Variants in LLGL2 observed in about 807,000 individuals in gnomAD.
LLGL2 encodes LLGL scribble cell polarity complex component 2, also known as LLGL2, scribble cell polarity complex component.
A neutral mutation model predicts 123.2 loss-of-function variants in LLGL2; 81 were observed. That is an observed-to-expected ratio of 0.66 (90% CI 0.55 to 0.79). LLGL2 has a LOEUF of 0.79. LLGL2 is among the 30% of genes least tolerant of loss of function. LLGL2 has a pLI of 0.00. For synonymous variants in LLGL2, 577 were observed against 594.1 expected (o/e 0.97, Z 0.42); for missense variants, 1,273 against 1,414.6 (o/e 0.90, Z 1.61).
chr17:75,573,695 C>A, intron 21 of LLGL2, 64 bp downstream of exon 21: 1 of 1,403,990 alleles, frequency 7.1e-7, no homozygotes. Context: ...TCTGAGATAC[C>A]GAGGCTCCCA....
chr17:75,564,566 C>G lies in LLGL2; in HGVS notation c.1036+59C>G. On this transcript the variant is annotated intron_variant, in intron 10 of 25. Coordinates refer to ENST00000392550, the MANE Select transcript of LLGL2 (RefSeq NM_001031803.2). This position sits in a 1 kb window ranked among gnomAD's most constrained non-coding sequence, Gnocchi z 4.9. ...AGGTGTGGGAGGCATGGGGCAGGAC[C>G]ATCAGTAAAGACAGGGCCAGGTGCA... is the stretch of plus-strand genomic sequence containing the variant. 1.2e-6 allele frequency: 2 copies of G among 1,601,680 alleles called. No individual in the cohort carries two copies. The highest frequency in any genetic ancestry group is 1.7e-6 in the Non-Finnish European group (2 of 1,171,664).
At chr17:75,556,185 G>A in intron 3 of LLGL2, 42 bp downstream of exon 3, 8 of 1,500,748 alleles carry the variant, frequency 5.3e-6, no homozygotes, top group Non-Finnish European at 7.4e-6. Flanking sequence ...AGGGCCTTGG[G>A]GTGGGTGAGA....
intron 10 of LLGL2, 191 bp from the exon 11 acceptor site, chr17:75,568,285 C>T (rs2147514384): frequency 7.0e-7 from 1 of 1,432,512 alleles, no homozygotes; most frequent in South Asian, 1.5e-5. Context: ...TCTCAGCAGC[C>T]TTGCATGCAG....
At chr17:75,557,971 C>T in intron 3 of LLGL2, 184 bp from the exon 4 acceptor site, 2 of 712,666 alleles carry the variant, frequency 2.8e-6, no homozygotes, top group Non-Finnish European at 2.6e-6. Context: ...TGGCCTGGTG[C>T]CCCAGGGCCA....
rs1003720327 is a variant in LLGL2, at chr17:75,539,677, A to G, written c.-30-3720A>G. On this transcript the variant is annotated intron_variant, in intron 1 of 25. Coordinates refer to ENST00000392550, the MANE Select transcript of LLGL2 (RefSeq NM_001031803.2). ...GACTGGAGTGCAGTGGTGCGATCTC[A>G]GCTCACTGTAACCTCCACCTCCCAG... Among the ~76,000 whole-genome samples the G allele has an allele frequency of 2.7e-5, 4 of 148,450 alleles. No individual in the cohort carries two copies. The Admixed American group carries it at 2.7e-4, about 10-fold the overall frequency.
Position 75,573,161 on chromosome 17 carries a change from C to G in LLGL2, c.2608C>G (p.Leu870Val), listed in dbSNP as rs1383039383. 6.2e-7 allele frequency: 1 copy of G among 1,613,130 alleles called. No homozygotes were observed. Among genetic ancestry groups the G allele is most frequent in the Admixed American group, 1.7e-5 (1 of 60,022 alleles). ...GEHHLAVLTNLGDIQVVSLPL... is the reference protein window; with the variant it reads ...GEHHLAVLTNVGDIQVVSLPL... ...GCACCACCTGGCAGTCCTTACCAAC[C>G]TGGGCGACATCCAGGTGGTCTCGCT... The change falls in exon 20 of 26, where the codon CTG becomes GTG. Residue 870 changes from leucine (L) to valine (V), a missense_variant. Physicochemically the swap from Leu to Val is conservative, Grantham distance 32 (BLOSUM62 1). Coordinates refer to ENST00000392550, the MANE Select transcript of LLGL2 (RefSeq NM_001031803.2).
At chr17:75,574,541 A>C in intron 24 of LLGL2, 46 bp downstream of exon 24, 1 of 1,586,978 alleles carries the variant, frequency 6.3e-7, no homozygotes, top group Non-Finnish European at 8.6e-7. Flanking sequence ...AGGCTCTGCC[A>C]GAGGGCTCAG....
chr17:75,531,714 T>C (rs1455376500), intron 1 of LLGL2, among the ~76,000 whole-genome samples: 2 of 152,146 alleles, frequency 1.3e-5, no homozygotes, highest in African/African-American at 2.4e-5. Flanking sequence ...CCTGGCTCCC[T>C]AGGAATTCCA....
chr17:75,541,740 T>C (rs1172128766), intron 1 of LLGL2, among the ~76,000 whole-genome samples: 1 of 144,000 alleles, frequency 6.9e-6, no homozygotes, highest in Non-Finnish European at 1.5e-5. Context: ...TTTTTTTTTT[T>C]TTTTTTGAGA....
At chr17:75,532,848 C>T (rs2053852209) in intron 1 of LLGL2, among the ~76,000 whole-genome samples, 1 of 152,246 alleles carries the variant, frequency 6.6e-6, no homozygotes, top group Non-Finnish European at 1.5e-5. Flanking sequence ...GTCCACAGGG[C>T]CCTGGCCTTG....
intron 19 of LLGL2, 78 bp from the exon 20 acceptor site, chr17:75,572,936 G>C (rs2055792037): frequency 6.6e-7 from 1 of 1,506,108 alleles, no homozygotes; most frequent in African/African-American, 1.4e-5. Context: ...ATGTGGGGAG[G>C]GGAGGGCCCA....
intron 2 of LLGL2, among the ~76,000 whole-genome samples, chr17:75,554,501 T>A (rs1242957653): frequency 6.6e-6 from 1 of 151,818 alleles, no homozygotes; most frequent in Non-Finnish European, 1.5e-5. Context: ...ATGCCTGTAG[T>A]CCCAGCTACT....
chr17:75,570,816 C>T lies in LLGL2; in HGVS notation c.2026-134C>T, dbSNP rs994663356. 3.3e-6 allele frequency: 4 copies of T among 1,216,054 alleles called. No homozygotes were observed. In the African/African-American group the frequency reaches 6.0e-5, roughly 18 times the overall value. The allele number at this position is 1,216,054 out of a possible 1,614,324, so 75.3% of individuals were successfully genotyped here. A position where few individuals can be genotyped will look rare whatever the true frequency, so the allele number is the denominator to read the frequency against. On this transcript the variant is annotated intron_variant, in intron 16 of 25. Coordinates refer to ENST00000392550, the MANE Select transcript of LLGL2 (RefSeq NM_001031803.2). ...GCACCTCCCTCTTGGACAAGGGTCC[C>T]TCTAGACGCAGGCCTGGCAGGTGGC... is the stretch of plus-strand genomic sequence containing the variant.
At chr17:75,552,199 A>C (rs1046718913) in intron 2 of LLGL2, among the ~76,000 whole-genome samples, 1 of 152,142 alleles carries the variant, frequency 6.6e-6, no homozygotes, top group Admixed American at 6.6e-5. Flanking sequence ...CCTGTATTCC[A>C]GCTGGTCAAG....
chr17:75,571,997 A>C lies in LLGL2; in HGVS notation c.2393A>C (p.Asp798Ala). ...PLPEPLEVAHDLSKSPDMQGS... is the reference protein window; with the variant it reads ...PLPEPLEVAHALSKSPDMQGS... ...CCCGAGCCCCTCGAAGTGGCCCATG[A>C]TCTGTCGAAGAGCCCTGACATGCAG... Residue 798 changes from aspartate to alanine, a missense_variant, in exon 19 of 26, where the codon GAT (aspartate) becomes GCT (alanine). Physicochemically the swap from Asp to Ala is moderately radical, Grantham distance 126. Coordinates refer to ENST00000392550, the MANE Select transcript of LLGL2 (RefSeq NM_001031803.2). 1 of 1,612,800 alleles carries C rather than the reference A, an allele frequency of 6.2e-7. No individual in the cohort carries two copies. Among genetic ancestry groups the C allele is most frequent in the Non-Finnish European group, 8.5e-7 (1 of 1,179,992 alleles).
In LLGL2 at chr17:75,549,508, C is replaced by A. The variant is rs1598561350; in HGVS notation, c.75+6007C>A. 6.6e-6 allele frequency among the ~76,000 whole-genome samples: 1 copy of A among 152,204 alleles called. No homozygotes were observed. Among genetic ancestry groups the A allele is most frequent in the African/African-American group, 2.4e-5 (1 of 41,452 alleles). ...AACAGTGTGTTCCTGACCCAGCAGC[C>A]CCTGCGGAGGGCCAGGTTGTTCTGT... On this transcript the variant is annotated intron_variant, in intron 2 of 25. Transcript: ENST00000392550. This position sits in a 1 kb window ranked among gnomAD's most constrained non-coding sequence, Gnocchi z 4.0.
intron 8 of LLGL2, 133 bp downstream of exon 8, chr17:75,563,596 G>A (rs542722965): frequency 4.0e-6 from 6 of 1,482,154 alleles, no homozygotes; most frequent in African/African-American, 2.8e-5. Context: ...AGCAGGGTTC[G>A]CCTCACCCAG....
intron 14 of LLGL2, 67 bp downstream of exon 14, chr17:75,569,392 G>A (rs1347045865): frequency 2.2e-5 from 29 of 1,290,774 alleles, no homozygotes; most frequent in Admixed American, 3.4e-5. Context: ...AGCAGGGACA[G>A]GAGCCAACCA....
Position 75,574,596 on chromosome 17 carries a change from CTT to C in LLGL2, c.2997-12_2997-11del. 1 of 1,612,028 alleles carries C rather than the reference CTT, an allele frequency of 6.2e-7. No individual in the cohort carries two copies. Among genetic ancestry groups the C allele is most frequent in the Non-Finnish European group, 8.5e-7 (1 of 1,179,532 alleles). On this transcript the variant is annotated splice_polypyrimidine_tract_variant and intron_variant, in intron 24 of 25. Coordinates refer to ENST00000392550, the MANE Select transcript of LLGL2 (RefSeq NM_001031803.2). ...GTCCCTGAGGCCATGACTCCCCTGT[CTT>C]TGCCTGTGCAGGAGCGGCAACTGGC...
Sources: gnomAD v4.1 joint callset for allele counts (sites outside exome capture counted in the v4.1 genomes callset) on GRCh38, gnomAD v4.1.1 for gene constraint, Gnocchi (gnomAD v3.1) non-coding constraint, MANE v1.5 for transcripts, NCBI Gene and HGNC (gene_info 2026-07-23, HGNC 2026-07-21) for gene names.